CNBD2: variants seen among roughly 807,000 people sequenced by gnomAD.
CNBD2 encodes the protein cyclic nucleotide binding domain containing 2.
A neutral mutation model predicts 63.7 loss-of-function variants in CNBD2; 64 were observed. The ratio of observed to expected loss-of-function variants is 1.00; its 90% CI spans 0.82 to 1.24. The LOEUF (loss-of-function observed/expected upper bound fraction) is 1.24, where lower values mean the gene tolerates loss of function less well. CNBD2 is among the 50% of genes most tolerant of loss of function. The probability of loss-of-function intolerance (pLI) is 0.00; values close to 1 mark genes in which losing one functional copy is unlikely to be tolerated. For synonymous variants in CNBD2, 229 were observed against 255.4 expected (o/e 0.90, Z 0.99); for missense variants, 691 against 713.5 (o/e 0.97, Z 0.36).
chr20:36,022,958 G>A (rs2057237126), intron 10 of CNBD2, among the ~76,000 whole-genome samples: 1 of 152,124 alleles, frequency 6.6e-6, no homozygotes, highest in African/African-American at 2.4e-5. Flanking sequence ...CTAAGGAAGA[G>A]AAAAGAGATT....
chr20:35,993,053 T>C (rs1393329948), intron 7 of CNBD2, among the ~76,000 whole-genome samples: 1 of 152,064 alleles, frequency 6.6e-6, no homozygotes, highest in African/African-American at 2.4e-5. Flanking sequence ...ATAGTGGAAC[T>C]GTTCTCTCCA....
At chr20:35,959,625 C>T (rs968881849), downstream of CNBD2, among the ~76,000 whole-genome samples, 2 of 152,178 alleles carry the variant, frequency 1.3e-5, no homozygotes, top group African/African-American at 4.8e-5. Flanking sequence ...TGAGTCCTTC[C>T]CACAACACGT....
rs918728841 is a variant in CNBD2, at chr20:36,003,034, A to G, written c.971-5263A>G. Reference sequence around the variant, plus strand: ...GATAGTTTCTATTGCTATGTCTTCAAGTTTTCTAATCCTCCTTCTGCATTG... The same window carrying G: ...GATAGTTTCTATTGCTATGTCTTCAGGTTTTCTAATCCTCCTTCTGCATTG... On this transcript the variant is annotated intron_variant, in intron 8 of 11. Transcript: ENST00000373973. Among the ~76,000 whole-genome samples, 5 of 151,826 alleles carry G rather than the reference A, an allele frequency of 3.3e-5. No homozygotes were observed. The East Asian group carries it at 9.7e-4, about 29-fold the overall frequency.
chr20:35,960,735 T>C (rs913742281), intron 2 of CNBD2, among the ~76,000 whole-genome samples: 3 of 54,130 alleles, frequency 5.5e-5, no homozygotes, highest in African/African-American at 4.2e-4. Flanking sequence ...TCTCTTCCCT[T>C]CTCTTCCCTT....
chr20:36,006,739 A>G (rs1278683822), intron 8 of CNBD2, among the ~76,000 whole-genome samples: 1 of 152,130 alleles, frequency 6.6e-6, no homozygotes, highest in Non-Finnish European at 1.5e-5. Flanking sequence ...ACAAATTTAT[A>G]CCTCTACAAT....
chr20:35,985,199 T>G (rs1490206635), intron 6 of CNBD2, among the ~76,000 whole-genome samples: 1 of 152,006 alleles, frequency 6.6e-6, no homozygotes, highest in Non-Finnish European at 1.5e-5. Flanking sequence ...CTTGGGAGGC[T>G]GAGGTGGGAG....
chr20:36,010,653 C>T (rs888172919), intron 9 of CNBD2, among the ~76,000 whole-genome samples: 1 of 151,882 alleles, frequency 6.6e-6, no homozygotes, highest in Non-Finnish European at 1.5e-5. Context: ...GTCCCTGCTA[C>T]TTGGGAGGCT....
intron 3 of CNBD2, 30 bp from the exon 4 acceptor site, chr20:35,980,429 C>G (rs1267665283): frequency 6.2e-7 from 1 of 1,612,356 alleles, no homozygotes; most frequent in Non-Finnish European, 8.5e-7. Context: ...TTGCTGGGTC[C>G]CCTGTATCAC....
chr20:35,976,085 A>G, intron 3 of CNBD2, 83 bp downstream of exon 3: 1 of 1,266,922 alleles, frequency 7.9e-7, no homozygotes, highest in Non-Finnish European at 1.1e-6. Flanking sequence ...GTATCAGCAG[A>G]GCTGGTTTCA....
intron 1 of CNBD2, among the ~76,000 whole-genome samples, chr20:35,971,382 G>A (rs2056415689): frequency 6.6e-6 from 1 of 152,154 alleles, no homozygotes; most frequent in African/African-American, 2.4e-5. Flanking sequence ...AATCGGCACT[G>A]ATTTCCTAAT....
At chr20:35,955,025 G>C (rs1379650621) in exon 1 of CNBD2, 1 of 176,470 alleles carries the variant, frequency 5.7e-6, no homozygotes, top group Non-Finnish European at 1.4e-5. Context: ...CTGGCGCGAA[G>C]GAGATGCTCG....
At chr20:35,996,480 G>C (rs1354081578) in intron 8 of CNBD2, among the ~76,000 whole-genome samples, 1 of 150,908 alleles carries the variant, frequency 6.6e-6, no homozygotes, top group Non-Finnish European at 1.5e-5. Context: ...TATACATATT[G>C]CATAATTCTC....
chr20:35,965,943 C>T (rs1464410908), upstream of CNBD2, among the ~76,000 whole-genome samples: 9 of 152,108 alleles, frequency 5.9e-5, no homozygotes, highest in African/African-American at 9.7e-5. Flanking sequence ...CTCATCAGGT[C>T]GTACTGGCAT....
chr20:36,024,105 G>A (rs1968045032), intron 11 of CNBD2, among the ~76,000 whole-genome samples: 1 of 152,228 alleles, frequency 6.6e-6, no homozygotes, highest in South Asian at 2.1e-4. Flanking sequence ...GGAAGCTGAG[G>A]CAGGCAGATC....
At chr20:35,997,746 G>A (rs1016532920) in intron 8 of CNBD2, among the ~76,000 whole-genome samples, 2 of 152,222 alleles carry the variant, frequency 1.3e-5, no homozygotes, top group African/African-American at 4.8e-5. Context: ...ACAACAGGCT[G>A]CTAGGAAGGC....
Position 36,018,992 on chromosome 20 carries a change from C to T in CNBD2, c.1270-4610C>T, listed in dbSNP as rs186148018. ...TATTCCTTGAGCACCTACCATGCTCCAAGCATGGAACAAAGTGCCATTGTG... is the reference window on the plus strand; with the variant it reads ...TATTCCTTGAGCACCTACCATGCTCTAAGCATGGAACAAAGTGCCATTGTG... On this transcript the variant is annotated intron_variant, in intron 10 of 11. Transcript: ENST00000373973. 5.3e-5 allele frequency among the ~76,000 whole-genome samples: 8 copies of T among 152,286 alleles called. 1 individual carries two copies. In the East Asian group the frequency reaches 1.2e-3, roughly 22 times the overall value.
intron 8 of CNBD2, among the ~76,000 whole-genome samples, chr20:36,004,089 T>C (rs1195743509): frequency 6.6e-6 from 1 of 152,112 alleles, no homozygotes. Flanking sequence ...GAAGCCACAG[T>C]TTTTTTATAA....
At chr20:36,019,578 G>GAAAA (rs1348468836) in intron 10 of CNBD2, among the ~76,000 whole-genome samples, 1 of 145,400 alleles carries the variant, frequency 6.9e-6, no homozygotes, top group East Asian at 2.0e-4. Flanking sequence ...CGACCTGGCA[G>GAAAA]AAAAGTGTTC....
At chr20:35,981,156 G>A (rs777024861) in intron 4 of CNBD2, among the ~76,000 whole-genome samples, 5 of 152,202 alleles carry the variant, frequency 3.3e-5, no homozygotes, top group Non-Finnish European at 7.3e-5. Flanking sequence ...AGCGACAGAT[G>A]TCTGCTTTTG....
Sources: gnomAD v4.1 joint callset for allele counts (sites outside exome capture counted in the v4.1 genomes callset) on GRCh38, gnomAD v4.1.1 for gene constraint, MANE v1.5 for transcripts, NCBI Gene and HGNC (gene_info 2026-07-23, HGNC 2026-07-21) for gene names.